BBS5: variants seen among roughly 807,000 people sequenced by gnomAD.
BBS5 encodes the protein Bardet-Biedl syndrome 5.
In BBS5, 39 loss-of-function variants were observed where a neutral mutation model predicts 50.2. The observed-to-expected ratio is 0.78, with a 90% CI of 0.60 to 1.01. BBS5 has a LOEUF of 1.01. BBS5 is among the 50% of genes least tolerant of loss of function. The pLI is 0.00. For synonymous variants in BBS5, 134 were observed against 133.1 expected (o/e 1.01, Z -0.05); for missense variants, 356 against 401.5 (o/e 0.89, Z 0.97).
intron 8 of BBS5, 50 bp downstream of exon 8, chr2:169,497,739 C>A: frequency 7.9e-7 from 1 of 1,266,524 alleles, no homozygotes; most frequent in Non-Finnish European, 1.1e-6. Context: ...AACTATGTGA[C>A]AGTCTAGATT....
At chr2:169,487,930 C>T (rs1683514021) in intron 4 of BBS5, 57 bp from the exon 5 acceptor site, 11 of 1,603,192 alleles carry the variant, frequency 6.9e-6, no homozygotes, top group Non-Finnish European at 9.4e-6. Context: ...TTTGTTTTCA[C>T]TATAAAGGAG....
Position 169,504,851 on chromosome 2 carries a change from G to GC in BBS5, c.*272dup. 2 of 1,609,892 alleles carry GC rather than the reference G, an allele frequency of 1.2e-6. No individual in the cohort carries two copies. The highest frequency in any genetic ancestry group is 1.7e-6 in the Non-Finnish European group (2 of 1,178,110). On this transcript the variant is annotated 3_prime_UTR_variant, in exon 12 of 12. Coordinates refer to ENST00000295240, the MANE Select transcript of BBS5 (RefSeq NM_152384.3). Reference sequence around the variant, plus strand: ...GGCTGAGGGTAGCTGGATTCCTCAGGCCCGGGCGCTCCTACAGCAGTGCCT... The same window carrying GC: ...GGCTGAGGGTAGCTGGATTCCTCAGGCCCCGGGCGCTCCTACAGCAGTGCCT...
chr2:169,504,980 G>A lies in BBS5; in HGVS notation c.*398G>A, dbSNP rs1049398710. 9.7e-5 allele frequency: 156 copies of A among 1,612,782 alleles called. No homozygotes were observed. The highest frequency in any genetic ancestry group is 1.2e-4 in the Non-Finnish European group (142 of 1,179,858). On this transcript the variant is annotated 3_prime_UTR_variant, in exon 12 of 12. Transcript: ENST00000295240. ...CTACGTGTGCTTTTTCAAGGGAGCT[G>A]ATAAAGAACTTCTTCCCAAAATGGC... is the stretch of plus-strand genomic sequence containing the variant.
In BBS5 at chr2:169,482,351, T is replaced by G; in HGVS notation, c.142+18T>G. ...AGATAGAGGTGAGTATATTTTTAAA[T>G]GTATCTTATATTCCTGGTTTAATTT... is the stretch of plus-strand genomic sequence containing the variant. On this transcript the variant is annotated intron_variant, in intron 2 of 11. Transcript: ENST00000295240. 1 of 1,423,826 alleles carries G rather than the reference T, an allele frequency of 7.0e-7. No individual in the cohort carries two copies. Among genetic ancestry groups the G allele is most frequent in the Non-Finnish European group, 9.9e-7 (1 of 1,006,824 alleles). The allele number at this position is 1,423,826 out of a possible 1,614,324, so 88.2% of individuals were successfully genotyped here.
chr2:169,501,205 T>A (rs1024009555), intron 9 of BBS5, among the ~76,000 whole-genome samples: 2 of 152,232 alleles, frequency 1.3e-5, no homozygotes. Flanking sequence ...CTTATATATT[T>A]TTGGCACTGT....
chr2:169,488,807 C>T (rs192996696), intron 5 of BBS5, among the ~76,000 whole-genome samples: 3 of 152,228 alleles, frequency 2.0e-5, no homozygotes, highest in African/African-American at 7.2e-5. Context: ...TACTGACAAC[C>T]AGATTAAATT....
Position 169,479,517 on chromosome 2 carries a change from C to G in BBS5, c.-37C>G. On this transcript the variant is annotated 5_prime_UTR_variant, in exon 1 of 12. Coordinates refer to ENST00000295240, the MANE Select transcript of BBS5 (RefSeq NM_152384.3). ...CCAGAGAGACGCAGCTAGGCCTGCA[C>G]GGCTGTGGAGAGATCCTGCCACGGG... 2 of 1,612,622 alleles carry G rather than the reference C, an allele frequency of 1.2e-6. No homozygotes were observed. The highest frequency in any genetic ancestry group is 1.3e-5 in the African/African-American group (1 of 75,046).
intron 1 of BBS5, among the ~76,000 whole-genome samples, chr2:169,482,022 A>T (rs906455996): frequency 7.9e-5 from 12 of 152,096 alleles, no homozygotes; most frequent in African/African-American, 2.9e-4. Context: ...TCAAAATTCA[A>T]CACCTCCTAC....
At chr2:169,483,843 G>C (rs1470093219) in intron 2 of BBS5, among the ~76,000 whole-genome samples, 1 of 152,122 alleles carries the variant, frequency 6.6e-6, no homozygotes, top group Non-Finnish European at 1.5e-5. Context: ...CAAACGAAAA[G>C]TCTTAGTTTG....
At chr2:169,498,117 A>G (rs1236195698) in intron 8 of BBS5, among the ~76,000 whole-genome samples, 1 of 152,246 alleles carries the variant, frequency 6.6e-6, no homozygotes, top group Non-Finnish European at 1.5e-5. Flanking sequence ...TGACTGATTT[A>G]CCAAGACTGT....
At chr2:169,479,861 C>T (rs950152953) in intron 1 of BBS5, among the ~76,000 whole-genome samples, 51 of 152,212 alleles carry the variant, frequency 3.4e-4, no homozygotes, top group African/African-American at 1.2e-3. Context: ...TCCGGTTCCC[C>T]CATCCTGGCC....
intron 7 of BBS5, among the ~76,000 whole-genome samples, chr2:169,496,088 A>T (rs892949630): frequency 6.6e-6 from 1 of 152,200 alleles, no homozygotes; most frequent in Non-Finnish European, 1.5e-5. Flanking sequence ...CTATCTGTCT[A>T]GAAGCATGGT....
chr2:169,504,614 A>G lies in BBS5; in HGVS notation c.*32A>G, dbSNP rs747114614. ...TTGAGTTGAGATGGATTTCTATTAA[A>G]GATATCTCTAGTTTAAAGATACTAG... is the stretch of plus-strand genomic sequence containing the variant. On this transcript the variant is annotated 3_prime_UTR_variant, in exon 12 of 12. Transcript: ENST00000295240. The G allele has an allele frequency of 6.7e-7, 1 of 1,482,170 alleles. No individual in the cohort carries two copies. The highest frequency in any genetic ancestry group is 9.4e-7 in the Non-Finnish European group (1 of 1,059,450). 91.8% of individuals were successfully genotyped at this position (1,482,170 alleles called of 1,614,324 possible). A position where few individuals can be genotyped will look rare whatever the true frequency, so the allele number is the denominator to read the frequency against.
intron 11 of BBS5, 29 bp from the exon 12 acceptor site, chr2:169,504,452 C>G: frequency 6.3e-7 from 1 of 1,597,828 alleles, no homozygotes; most frequent in South Asian, 1.1e-5. Flanking sequence ...CTTCTCTATT[C>G]CCATCTTATC....
chr2:169,500,345 CT>C (rs1683776239), intron 9 of BBS5, among the ~76,000 whole-genome samples: 1 of 152,214 alleles, frequency 6.6e-6, no homozygotes, highest in South Asian at 2.1e-4. Context: ...TTGCTGTCCC[CT>C]CTATTGTTGG....
chr2:169,490,355 G>A (rs910640264), intron 5 of BBS5, among the ~76,000 whole-genome samples: 3 of 151,582 alleles, frequency 2.0e-5, no homozygotes, highest in Admixed American at 1.3e-4. Flanking sequence ...CACCACGCCC[G>A]GCTAATTTTT....
At position 169,480,878 on chromosome 2, in the gene BBS5, T is replaced by G. The variant is rs188100225; in HGVS notation, c.59+1266T>G. ...GTATTTTTAGTAGAGACGGGGTTTC[T>G]CCATGTTGAGGCTGGTCTCGAACTC... On this transcript the variant is annotated intron_variant, in intron 1 of 11. Coordinates refer to ENST00000295240, the MANE Select transcript of BBS5 (RefSeq NM_152384.3). Among the ~76,000 whole-genome samples, 16 of 151,850 alleles carry G rather than the reference T, an allele frequency of 1.1e-4. No individual in the cohort carries two copies. In the East Asian group the frequency reaches 3.1e-3, roughly 30 times the overall value.
chr2:169,487,772 C>T, intron 3 of BBS5, 34 bp from the exon 4 acceptor site: 1 of 1,532,220 alleles, frequency 6.5e-7, no homozygotes, highest in Non-Finnish European at 9.0e-7. Context: ...TGTACCATAT[C>T]ATGCTCTTTA....
chr2:169,487,981 T>G lies in BBS5; in HGVS notation c.259-6T>G, dbSNP rs1184899578. On this transcript the variant is annotated splice_polypyrimidine_tract_variant and splice_region_variant and intron_variant, in intron 4 of 11. Transcript: ENST00000295240. ...TCTGAACTTTTAAATAAATTTGTCC[T>G]TACAGAAATTACGAGGCCAAACTGA... 2 of 1,613,438 alleles carry G rather than the reference T, an allele frequency of 1.2e-6. No individual in the cohort carries two copies. The highest frequency in any genetic ancestry group is 1.7e-6 in the Non-Finnish European group (2 of 1,179,670).
Sources: gnomAD v4.1 joint callset for allele counts (sites outside exome capture counted in the v4.1 genomes callset) on GRCh38, gnomAD v4.1.1 for gene constraint, MANE v1.5 for transcripts, NCBI Gene and HGNC (gene_info 2026-07-23, HGNC 2026-07-21) for gene names.